Variants in SRD5A2 observed in about 807,000 individuals in gnomAD.
SRD5A2 encodes steroid 5 alpha-reductase 2.
SRD5A2 carries 30 observed loss-of-function variants against 27.4 expected under a neutral mutation model. That is an observed-to-expected ratio of 1.10 (90% CI 0.82 to 1.49). The LOEUF (loss-of-function observed/expected upper bound fraction) is 1.49, where lower values mean the gene tolerates loss of function less well. Ranked by LOEUF, SRD5A2 falls within the 40% of genes most tolerant of loss-of-function variation. The pLI is 0.00. For missense variants in SRD5A2, 348 were observed against 323.4 expected, an observed-to-expected ratio of 1.08 and a Z score of -0.58; for synonymous variants, 141 against 133.6, an observed-to-expected ratio of 1.06 and a Z score of -0.38.
At chr2:31,594,063 A>AAAAACTC in the SRD5A2 span, among the ~76,000 whole-genome samples, 3 of 152,244 alleles carry the variant, frequency 2.0e-5, no homozygotes, top group Non-Finnish European at 4.4e-5. Context: ...ATATTGAAAC[A>AAAAACTC]AAAACTCAAA....
the SRD5A2 span, among the ~76,000 whole-genome samples, chr2:31,638,775 C>T: frequency 6.7e-6 from 1 of 150,274 alleles, no homozygotes; most frequent in East Asian, 2.0e-4. Flanking sequence ...AATATTTTTT[C>T]CACCCTTTTA....
chr2:31,548,850 G>T (rs1192200472), intron 1 of SRD5A2, among the ~76,000 whole-genome samples: 1 of 152,030 alleles, frequency 6.6e-6, no homozygotes, highest in Non-Finnish European at 1.5e-5. Flanking sequence ...ATTGACAGAT[G>T]AATAAATGGA....
chr2:31,588,412 A>C, the SRD5A2 span, among the ~76,000 whole-genome samples: 1 of 152,230 alleles, frequency 6.6e-6, no homozygotes, highest in African/African-American at 2.4e-5. Flanking sequence ...GCTCCAATAC[A>C]TCTGGCAGCA....
the SRD5A2 span, among the ~76,000 whole-genome samples, chr2:31,647,987 G>A: frequency 2.6e-5 from 4 of 152,114 alleles, no homozygotes; most frequent in Non-Finnish European, 1.5e-5. Context: ...TTTTGTAGAC[G>A]AGTTCCTAGA....
chr2:31,560,620 C>T (rs1386351109), intron 1 of SRD5A2, among the ~76,000 whole-genome samples: 1 of 151,706 alleles, frequency 6.6e-6, no homozygotes, highest in Non-Finnish European at 1.5e-5. Flanking sequence ...TTTTGCTGCG[C>T]TTCCTTTCTC....
intron 1 of SRD5A2, among the ~76,000 whole-genome samples, chr2:31,575,121 C>CTT (rs1220212250): frequency 6.6e-6 from 1 of 151,498 alleles, no homozygotes; most frequent in Admixed American, 6.6e-5. Context: ...CTTGCTTGGG[C>CTT]TTTTTTTTTC....
intron 1 of SRD5A2, among the ~76,000 whole-genome samples, chr2:31,579,462 T>A (rs2148105715): frequency 6.6e-6 from 1 of 152,360 alleles, no homozygotes; most frequent in South Asian, 2.1e-4. Flanking sequence ...AAGGTTTTGA[T>A]TTCGTTTGAT....
At chr2:31,549,195 C>T (rs763591112) in intron 1 of SRD5A2, among the ~76,000 whole-genome samples, 10 of 151,064 alleles carry the variant, frequency 6.6e-5, no homozygotes, top group Non-Finnish European at 1.3e-4. Context: ...TCACTGCAAC[C>T]GCCGCCTCCC....
the SRD5A2 span, among the ~76,000 whole-genome samples, chr2:31,611,348 G>A: frequency 2.0e-5 from 3 of 152,072 alleles, no homozygotes; most frequent in South Asian, 4.1e-4. Flanking sequence ...AGTAACTGCA[G>A]CACTGTCAAA....
upstream of SRD5A2, among the ~76,000 whole-genome samples, chr2:31,585,506 T>C (rs1667159832): frequency 6.6e-6 from 1 of 152,160 alleles, no homozygotes; most frequent in Non-Finnish European, 1.5e-5. Flanking sequence ...ATGAGGTCCC[T>C]GTTCCAGGCC....
chr2:31,635,455 T>C, the SRD5A2 span, among the ~76,000 whole-genome samples: 2 of 152,148 alleles, frequency 1.3e-5, no homozygotes, highest in Admixed American at 1.3e-4. Context: ...ATTAATCCCT[T>C]GGCAGATGGA....
upstream of SRD5A2, among the ~76,000 whole-genome samples, chr2:31,583,651 C>CAAAAAACAAAAA (rs1558379512): frequency 1.5e-5 from 1 of 66,514 alleles, no homozygotes; most frequent in Non-Finnish European, 2.9e-5. Context: ...AAAAAAAAAA[C>CAAAAAACAAAAA]CAAAAAAAAA....
chr2:31,625,697 T>A, the SRD5A2 span, among the ~76,000 whole-genome samples: 5 of 152,322 alleles, frequency 3.3e-5, no homozygotes, highest in Admixed American at 3.3e-4. Context: ...TTCTGAGGCC[T>A]CTGTTCTGTT....
intron 1 of SRD5A2, among the ~76,000 whole-genome samples, chr2:31,557,260 G>C (rs568753953): frequency 2.6e-5 from 4 of 152,360 alleles, no homozygotes; most frequent in African/African-American, 9.6e-5. Context: ...TTGGGCACAT[G>C]ACTTTGAGCA....
intron 1 of SRD5A2, among the ~76,000 whole-genome samples, chr2:31,555,624 T>G (rs1666479398): frequency 6.6e-6 from 1 of 152,180 alleles, no homozygotes; most frequent in Non-Finnish European, 1.5e-5. Flanking sequence ...GTCCTGATAG[T>G]ATCTTTGGAA....
intron 1 of SRD5A2, among the ~76,000 whole-genome samples, chr2:31,567,169 C>T (rs1434182115): frequency 1.3e-5 from 2 of 152,056 alleles, no homozygotes; most frequent in African/African-American, 4.8e-5. Context: ...AACACTATAA[C>T]TTTGTGTAGA....
At chr2:31,600,925 T>C in the SRD5A2 span, among the ~76,000 whole-genome samples, 1 of 151,862 alleles carries the variant, frequency 6.6e-6, no homozygotes, top group Non-Finnish European at 1.5e-5. Flanking sequence ...TGATACATTA[T>C]ATCTACAGAA....
the SRD5A2 span, among the ~76,000 whole-genome samples, chr2:31,642,483 A>G: frequency 6.6e-6 from 1 of 152,032 alleles, no homozygotes; most frequent in Non-Finnish European, 1.5e-5. Context: ...CATAATCAAA[A>G]AAGTTATCAA....
In SRD5A2 at chr2:31,523,728, CTA is replaced by C. The variant is rs1665708847; in HGVS notation, c.*2466_*2467del. The C allele has an allele frequency of 4.5e-6, 1 of 220,362 alleles. No homozygotes were observed. 13.7% of individuals were successfully genotyped at this position (220,362 alleles called of 1,614,324 possible). A position where few individuals can be genotyped will look rare whatever the true frequency, so the allele number is the denominator to read the frequency against. ...AACAGTCCATGGAAACCTCAATTAACTATAATTTTGTTGCACCCTATTTTTAA... is the reference window on the plus strand; with the variant it reads ...AACAGTCCATGGAAACCTCAATTAACTAATTTTGTTGCACCCTATTTTTAA... On this transcript the variant is annotated 3_prime_UTR_variant, in exon 5 of 5. Transcript: ENST00000622030.
Sources: allele counts gnomAD v4.1 joint callset (sites outside exome capture counted in the v4.1 genomes callset), GRCh38; gene constraint gnomAD v4.1.1; transcripts MANE v1.5; gene names NCBI Gene and HGNC (gene_info 2026-07-23, HGNC 2026-07-21).